The following ADGRE3 variants were observed in gnomAD, a reference collection of about 807,000 sequenced individuals.
ADGRE3 encodes the protein EGF-like module receptor 3.
Under a neutral mutation model 80.1 loss-of-function variants are expected in ADGRE3, and 88 were observed. The observed-to-expected ratio is 1.10, with a 90% CI of 0.93 to 1.31. ADGRE3 has a LOEUF of 1.31. Among genes scored for constraint, ADGRE3 ranks in the 40% most tolerant of loss-of-function variants. The pLI is 0.00. For missense variants in ADGRE3, 715 were observed against 776.5 expected (o/e 0.92, Z 0.94); for synonymous variants, 281 against 294.8 (o/e 0.95, Z 0.48).
chr19:14,610,249 A>G, the ADGRE3 span: 2 of 1,541,444 alleles, frequency 1.3e-6, no homozygotes, highest in South Asian at 2.4e-5. Context: ...TGAGATGAGA[A>G]TCTCCTGCCC....
intron 7 of ADGRE3, 42 bp from the exon 8 acceptor site, chr19:14,647,407 TTTC>T (rs745513309): frequency 3.0e-5 from 41 of 1,365,372 alleles, no homozygotes; most frequent in East Asian, 4.8e-5. Context: ...TTTTCTTTTC[TTTC>T]TTTTTTTTTT....
At chr19:14,665,936 GTATATATATATATATATATA>G (rs71309616) in intron 2 of ADGRE3, among the ~76,000 whole-genome samples, 22 of 42,104 alleles carry the variant, frequency 5.2e-4, no homozygotes, top group South Asian at 2.4e-3. Context: ...ACACATATGT[GTATATATATATATATATATA>G]TATATATATA....
chr19:14,670,670 CT>C (rs1188529471), intron 1 of ADGRE3, among the ~76,000 whole-genome samples: 6 of 152,160 alleles, frequency 3.9e-5, no homozygotes, highest in Admixed American at 2.0e-4. Flanking sequence ...AGATGGACTG[CT>C]TTTTTTCTGT....
chr19:14,607,601 G>A, the ADGRE3 span, among the ~76,000 whole-genome samples: 4 of 145,434 alleles, frequency 2.8e-5, no homozygotes, highest in Admixed American at 2.1e-4. Context: ...TCTTTGAGAC[G>A]GAGTCTCGCT....
intron 2 of ADGRE3, among the ~76,000 whole-genome samples, chr19:14,665,995 C>T (rs1340085765): frequency 1.2e-3 from 82 of 67,726 alleles, no homozygotes; most frequent in Admixed American, 3.2e-3. Flanking sequence ...TCTTTATCCA[C>T]GTGTTGATTG....
intron 2 of ADGRE3, 117 bp downstream of exon 2, chr19:14,668,685 G>C (rs1422239604): frequency 4.3e-6 from 3 of 698,502 alleles, no homozygotes; most frequent in Admixed American, 5.3e-5. Flanking sequence ...ACAGGAGCAA[G>C]CCTTCCCAAA....
intron 6 of ADGRE3, among the ~76,000 whole-genome samples, chr19:14,654,593 G>A (rs1019921646): frequency 1.3e-5 from 2 of 152,068 alleles, no homozygotes; most frequent in Non-Finnish European, 2.9e-5. Context: ...GAAAATTCCA[G>A]ACCTGGGATT....
At position 14,636,076 on chromosome 19, in the gene ADGRE3, CTTTCCCTTTCTTTCTTTCTTT is replaced by C. The variant is rs1339693122; in HGVS notation, c.1484+2008_1484+2028del. Among the ~76,000 whole-genome samples, 9 of 69,138 alleles carry C rather than the reference CTTTCCCTTTCTTTCTTTCTTT, an allele frequency of 1.3e-4. 1 individual carries two copies. Among genetic ancestry groups the C allele is most frequent in the African/African-American group, 3.1e-4 (6 of 19,226 alleles). 45.4% of individuals were successfully genotyped at this position (69,138 alleles called of 152,430 possible). A position where few individuals can be genotyped will look rare whatever the true frequency, so the allele number is the denominator to read the frequency against. ...TCCTTCCTTCCTTTCCTTTCCTTTC[CTTTCCCTTTCTTTCTTTCTTT>C]CTTTCTTTCTTTCTTTCTTTCTTTC... On this transcript the variant is annotated intron_variant, in intron 11 of 15. Coordinates refer to ENST00000253673, the MANE Select transcript of ADGRE3 (RefSeq NM_032571.5).
downstream of ADGRE3, among the ~76,000 whole-genome samples, chr19:14,618,803 G>A (rs1023034560): frequency 2.4e-5 from 3 of 125,554 alleles, no homozygotes; most frequent in Admixed American, 1.1e-4. Flanking sequence ...TTGCACTCAC[G>A]CCGTTGCACT....
chr19:14,602,608 G>C, the ADGRE3 span, among the ~76,000 whole-genome samples: 2 of 152,176 alleles, frequency 1.3e-5, no homozygotes, highest in South Asian at 4.1e-4. Flanking sequence ...GGTATTTTTA[G>C]ACCGTTTACA....
At position 14,641,530 on chromosome 19, in the gene ADGRE3, G is replaced by A. The variant is rs202133610; in HGVS notation, c.1137C>T (p.Leu379=). Residue 379 remains leucine (L), a synonymous_variant, in exon 10 of 16, where the codon CTC becomes CTT. Transcript: ENST00000253673. ...TGGTGTTCCGGATGGCTTTACACAG[G>A]AGAAAAGTGAGGGCCGCCAGGAGGA... ...LCLLLAALTF[L]LCKAIRNTST... 5.0e-6 allele frequency: 8 copies of A among 1,613,866 alleles called. No individual in the cohort carries two copies. The East Asian group carries it at 8.9e-5, about 18-fold the overall frequency.
chr19:14,665,155 C>T (rs1972056102), intron 2 of ADGRE3, among the ~76,000 whole-genome samples: 1 of 150,282 alleles, frequency 6.7e-6, no homozygotes, highest in Non-Finnish European at 1.5e-5. Context: ...GCTCCGCCTC[C>T]TGGGTTCATG....
chr19:14,604,772 A>AT, the ADGRE3 span, among the ~76,000 whole-genome samples: 12 of 151,250 alleles, frequency 7.9e-5, no homozygotes, highest in East Asian at 5.8e-4. Flanking sequence ...CAAAAAAAAA[A>AT]TTTTTTTTTT....
the ADGRE3 span, among the ~76,000 whole-genome samples, chr19:14,608,800 ATTTT>A: frequency 1.5e-5 from 2 of 131,366 alleles, no homozygotes; most frequent in Admixed American, 7.7e-5. Flanking sequence ...TGCCTGGCTA[ATTTT>A]TTTTTTTTTT....
downstream of ADGRE3, among the ~76,000 whole-genome samples, chr19:14,615,461 T>G (rs1484544097): frequency 6.6e-6 from 1 of 151,962 alleles, no homozygotes; most frequent in African/African-American, 2.4e-5. Context: ...AAATTTTTTT[T>G]AGAGAGACAG....
intron 6 of ADGRE3, among the ~76,000 whole-genome samples, 180 bp downstream of exon 6, chr19:14,654,801 CT>C (rs1971707845): frequency 6.6e-6 from 1 of 152,104 alleles, no homozygotes; most frequent in African/African-American, 2.4e-5. Flanking sequence ...TCTGCCACCC[CT>C]CCCTCCTGCC....
chr19:14,628,687 T>C (rs1970795807), intron 14 of ADGRE3: 3 of 386,706 alleles, frequency 7.8e-6, no homozygotes, highest in Non-Finnish European at 1.6e-5. Flanking sequence ...GAGATGTGAG[T>C]TGCAAAAACT....
intron 6 of ADGRE3, 91 bp from the exon 7 acceptor site, chr19:14,651,295 G>A (rs771128735): frequency 3.4e-5 from 47 of 1,388,268 alleles, no homozygotes; most frequent in Non-Finnish European, 4.5e-5. Context: ...CATGCCTGTA[G>A]TCCCAACTAC....
At chr19:14,617,904 C>A (rs1374387232), downstream of ADGRE3, among the ~76,000 whole-genome samples, 1 of 151,952 alleles carries the variant, frequency 6.6e-6, no homozygotes, top group South Asian at 2.1e-4. Flanking sequence ...CAGACAGGTG[C>A]TAAAGAAAAA....
Sources: gnomAD v4.1 joint callset for allele counts (sites outside exome capture counted in the v4.1 genomes callset) on GRCh38, gnomAD v4.1.1 for gene constraint, MANE v1.5 for transcripts, NCBI Gene and HGNC (gene_info 2026-07-23, HGNC 2026-07-21) for gene names.